Variants in WDR46 observed in about 807,000 individuals in gnomAD.
WDR46 encodes the protein WD repeat domain 46.
WDR46 carries 58 observed loss-of-function variants against 74.7 expected under a neutral mutation model. That is an observed-to-expected ratio of 0.78 (90% CI 0.63 to 0.97). The LOEUF (loss-of-function observed/expected upper bound fraction) is 0.97, where lower values mean the gene tolerates loss of function less well. Ranked by LOEUF, WDR46 falls within the 50% of genes least tolerant of loss-of-function variation. The pLI is 0.00. For synonymous variants in WDR46, 278 were observed against 297.3 expected, an observed-to-expected ratio of 0.93 and a Z score of 0.67; for missense variants, 702 against 790.1, an observed-to-expected ratio of 0.89 and a Z score of 1.34.
At chr6:33,287,254 C>T (rs1266246410) in intron 8 of WDR46, 28 bp from the exon 9 acceptor site, 1 of 1,613,022 alleles carries the variant, frequency 6.2e-7, no homozygotes. Flanking sequence ...AGAGAATGAC[C>T]CAGTCCTGAT....
At position 33,286,835 on chromosome 6, in the gene WDR46, G is replaced by A. The variant is rs1766688507; in HGVS notation, c.1075C>T (p.Arg359Cys). The A allele has an allele frequency of 3.1e-6, 5 of 1,614,076 alleles. No individual in the cohort carries two copies. Among genetic ancestry groups the A allele is most frequent in the African/African-American group, 1.3e-5 (1 of 75,000 alleles). ...ACTGCCACAGCCCGGACCCCACCAC[G>A]ATGACAGAGAATCTTTGCCAGTGGC... ...KEPLAKILCHRGGVRAVAVDS... is the reference protein window; with the variant it reads ...KEPLAKILCHCGGVRAVAVDS... The change falls in exon 10 of 15, where the codon CGT becomes TGT. Residue 359 changes from arginine (R) to cysteine (C), a missense_variant. Coordinates refer to ENST00000374617, the MANE Select transcript of WDR46 (RefSeq NM_005452.6).
At chr6:33,280,594 C>A in intron 11 of WDR46, 72 bp from the exon 12 acceptor site, 4 of 1,601,072 alleles carry the variant, frequency 2.5e-6, no homozygotes, top group Non-Finnish European at 3.4e-6. Context: ...CCCAACTAAG[C>A]CCCCAGTTCC....
chr6:33,279,335 C>T lies in WDR46; in HGVS notation c.1774G>A (p.Glu592Lys), dbSNP rs1765907208. 1.2e-6 allele frequency: 2 copies of T among 1,614,230 alleles called. No individual in the cohort carries two copies. The highest frequency in any genetic ancestry group is 1.7e-5 in the Admixed American group (1 of 60,026). ...RQSLQQQHHK[E>K]AKAKPTGARP... is the part of the protein sequence containing the mutation. ...GCCCCCGTGGGCTTGGCCTTCGCCT[C>T]CTTATGATGCTGCTGCTGAAGGCTC... Residue 592 changes from glutamate to lysine, a missense_variant, in exon 15 of 15, where the codon GAG becomes AAG. Transcript: ENST00000374617.
chr6:33,287,844 C>T, intron 6 of WDR46, 121 bp downstream of exon 6: 1 of 1,499,542 alleles, frequency 6.7e-7, no homozygotes, highest in Non-Finnish European at 9.3e-7. Flanking sequence ...AGGTGCTTAC[C>T]CTCACACCCA....
rs372481627 is a variant in WDR46 at position 33,287,243 on chromosome 6, G to A, written c.880-17C>T. 1.9e-6 allele frequency: 3 copies of A among 1,613,530 alleles called. No homozygotes were observed. The highest frequency in any genetic ancestry group is 1.3e-5 in the African/African-American group (1 of 74,800). On this transcript the variant is annotated splice_polypyrimidine_tract_variant and intron_variant, in intron 8 of 14. Coordinates refer to ENST00000374617, the MANE Select transcript of WDR46 (RefSeq NM_005452.6). ...TGTTTCTGACTGAGAGAGAAAGACAGAGAGAATGACCCAGTCCTGATTGCC... is the reference window on the plus strand; with the variant it reads ...TGTTTCTGACTGAGAGAGAAAGACAAAGAGAATGACCCAGTCCTGATTGCC...
chr6:33,287,194 C>A lies in WDR46; in HGVS notation c.912G>T (p.Val304=). 6.2e-7 allele frequency: 1 copy of A among 1,613,814 alleles called. No individual in the cohort carries two copies. ...GAGCTGCCACAATCTTCCCCACTGA[C>A]ACATCCAGGTAGGTTAGAAACCCTG... ...SETGFLTYLD[V]SVGKIVAALN... The change falls in exon 9 of 15, where the codon GTG becomes GTT. Residue 304 remains valine (V), a synonymous_variant. Transcript: ENST00000374617.
intron 10 of WDR46, chr6:33,284,333 C>G (rs1766438180): frequency 6.5e-6 from 1 of 153,876 alleles, no homozygotes. Flanking sequence ...ACGATTCATC[C>G]TTTTGTCTCC....
At chr6:33,280,242 G>C (rs965719233) in intron 12 of WDR46, among the ~76,000 whole-genome samples, 186 bp downstream of exon 12, 1 of 150,524 alleles carries the variant, frequency 6.6e-6, no homozygotes, top group East Asian at 2.0e-4. Context: ...TCCAGGAAGA[G>C]GAAACCTTAC....
intron 10 of WDR46, 111 bp from the exon 11 acceptor site, chr6:33,281,098 A>G: frequency 1.2e-5 from 13 of 1,091,316 alleles, no homozygotes; most frequent in Non-Finnish European, 1.7e-5. Context: ...TAATAGTAAT[A>G]ACCACTGCCA....
chr6:33,286,490 T>C (rs1382257961), intron 10 of WDR46, among the ~76,000 whole-genome samples: 1 of 152,186 alleles, frequency 6.6e-6, no homozygotes, highest in Non-Finnish European at 1.5e-5. Flanking sequence ...GGTATTTAAA[T>C]GCCTACATGG....
At chr6:33,287,536 A>C in intron 7 of WDR46, 31 bp from the exon 8 acceptor site, 1 of 1,613,596 alleles carries the variant, frequency 6.2e-7, no homozygotes, top group Non-Finnish European at 8.5e-7. Flanking sequence ...TTCAATTGGG[A>C]AATGAGGTCA....
intron 12 of WDR46, 133 bp downstream of exon 12, chr6:33,280,295 A>G: frequency 1.1e-6 from 1 of 870,868 alleles, no homozygotes; most frequent in Non-Finnish European, 1.8e-6. Flanking sequence ...AGCAGTGGGG[A>G]ACCTGACCTT....
Position 33,287,079 on chromosome 6 carries a change from C to T in WDR46, c.1015+12G>A. ...CAGGATGGTCAGAGTCAAAACTAAGCCAGGTACTGACCATTGCTGTGTCCG... is the reference window on the plus strand; with the variant it reads ...CAGGATGGTCAGAGTCAAAACTAAGTCAGGTACTGACCATTGCTGTGTCCG... On this transcript the variant is annotated intron_variant, in intron 9 of 14. Transcript: ENST00000374617. 1.2e-6 allele frequency: 2 copies of T among 1,611,166 alleles called. No individual in the cohort carries two copies. The highest frequency in any genetic ancestry group is 2.2e-5 in the South Asian group (2 of 90,766).
In WDR46 at chr6:33,288,165, T is replaced by C. The variant is rs1274542023; in HGVS notation, c.544A>G (p.Ile182Val). 6.2e-7 allele frequency: 1 copy of C among 1,614,240 alleles called. No homozygotes were observed. The highest frequency in any genetic ancestry group is 1.7e-5 in the Admixed American group (1 of 60,028). The change falls in exon 5 of 15, where the codon ATT (isoleucine) becomes GTT (valine). Residue 182 changes from isoleucine to valine, a missense_variant. Transcript: ENST00000374617. The stretch of plus-strand genomic sequence containing the variant: ...AGGCTCACCTTGGCTGCACTTGCAA[T>C]GTCCACAGCCTCCACAATGTCAGCC... Reference protein sequence around the residue: ...CQADIVEAVDIASAAKHFDLN... With the variant: ...CQADIVEAVDVASAAKHFDLN...
Position 33,279,390 on chromosome 6 carries a change from G to T in WDR46, c.1735-16C>A. ...GGACCTTGTCCTGGGGACCGGAGAC[G>T]GGGAGGACACAGGCACAGAGTGAGA... On this transcript the variant is annotated splice_polypyrimidine_tract_variant and intron_variant, in intron 14 of 14. Transcript: ENST00000374617. 6.2e-7 allele frequency: 1 copy of T among 1,613,124 alleles called. No individual in the cohort carries two copies. Among genetic ancestry groups the T allele is most frequent in the Non-Finnish European group, 8.5e-7 (1 of 1,180,044 alleles).
Position 33,285,586 on chromosome 6 carries a change from C to T in WDR46, c.1115+1209G>A, listed in dbSNP as rs186296471. Among the ~76,000 whole-genome samples, 270 of 152,160 alleles carry T rather than the reference C, an allele frequency of 1.8e-3. 2 individuals are homozygous for T. Among genetic ancestry groups the T allele is most frequent in the African/African-American group, 6.1e-3 (255 of 41,548 alleles). On this transcript the variant is annotated intron_variant, in intron 10 of 14. Coordinates refer to ENST00000374617, the MANE Select transcript of WDR46 (RefSeq NM_005452.6). ...TTGCCCAGGTTGGAGTGCAATGGCA[C>T]AGTCTTGGCTCACTGCAACCCCTGC...
In WDR46 at chr6:33,287,418, G is replaced by A. The variant is rs752120444; in HGVS notation, c.816C>T (p.Ile272=). 24 of 1,612,258 alleles carry A rather than the reference G, an allele frequency of 1.5e-5. No homozygotes were observed. The highest frequency in any genetic ancestry group is 2.0e-5 in the Non-Finnish European group (24 of 1,179,782). The change falls in exon 8 of 15, where the codon ATC becomes ATT. Residue 272 remains isoleucine, a synonymous_variant. Transcript: ENST00000374617. ...YDNQGIELHC[I]RRCDRVTRLE... is the part of the protein sequence containing the mutation. The stretch of plus-strand genomic sequence containing the variant: ...GCCGTGTTACTCGGTCACAGCGGCG[G>A]ATACAGTGGAGCTCAATGCCCTGAT...
chr6:33,289,075 T>TC (rs1263371660), intron 1 of WDR46, 27 bp downstream of exon 1: 1 of 1,501,008 alleles, frequency 6.7e-7, no homozygotes, highest in South Asian at 1.1e-5. Flanking sequence ...GCTAAAAACT[T>TC]CGTTTCCCAC....
intron 12 of WDR46, 110 bp downstream of exon 12, chr6:33,280,318 G>A (rs1766038566): frequency 2.6e-6 from 3 of 1,155,550 alleles, no homozygotes; most frequent in Non-Finnish European, 3.7e-6. Flanking sequence ...CCAGCAGGGG[G>A]GAACCTGACC....
Sources: allele counts gnomAD v4.1 joint callset (sites outside exome capture counted in the v4.1 genomes callset), GRCh38; gene constraint gnomAD v4.1.1; transcripts MANE v1.5; gene names NCBI Gene and HGNC (gene_info 2026-07-23, HGNC 2026-07-21).